Variants in TMEM132C observed in about 807,000 individuals in gnomAD.
The protein encoded by TMEM132C is protein phosphatase 1, regulatory subunit 152.
A neutral mutation model predicts 61.4 loss-of-function variants in TMEM132C; 29 were observed. The observed-to-expected ratio is 0.47, with a 90% CI of 0.35 to 0.64. The LOEUF is 0.64. Ranked by LOEUF, TMEM132C falls within the 30% of genes least tolerant of loss-of-function variation. TMEM132C has a pLI of 0.00. For missense variants in TMEM132C, 1,408 were observed against 1,476.9 expected (o/e 0.95, Z 0.76); for synonymous variants, 656 against 633.1 (o/e 1.04, Z -0.54).
intron 3 of TMEM132C, among the ~76,000 whole-genome samples, chr12:128,603,555 G>A (rs1474469211): frequency 1.3e-5 from 2 of 152,176 alleles, no homozygotes; most frequent in African/African-American, 4.8e-5. Context: ...GATGCTGGGC[G>A]GAGGGCTTGG....
At chr12:128,435,550 C>A (rs1869560747) in intron 2 of TMEM132C, among the ~76,000 whole-genome samples, 1 of 152,106 alleles carries the variant, frequency 6.6e-6, no homozygotes. Context: ...TTCACAATTG[C>A]TACAAAGAGA....
Position 128,326,068 on chromosome 12 carries a change from G to A in TMEM132C, c.85+58581G>A, listed in dbSNP as rs904042691. Among the ~76,000 whole-genome samples the A allele has an allele frequency of 1.3e-4, 20 of 152,208 alleles. No homozygotes were observed. Among genetic ancestry groups the A allele is most frequent in the Non-Finnish European group, 2.9e-5 (2 of 68,014 alleles). On this transcript the variant is annotated intron_variant, in intron 1 of 8. Transcript: ENST00000435159. This position sits in a 1 kb window ranked among gnomAD's most constrained non-coding sequence, Gnocchi z 5.6. The stretch of plus-strand genomic sequence containing the variant: ...GTATTCACACAGTATTGGAATGAAC[G>A]AGTAAATGAATGAATGCATGCATTC...
At chr12:128,628,782 A>G (rs939846565) in intron 4 of TMEM132C, among the ~76,000 whole-genome samples, 4 of 152,186 alleles carry the variant, frequency 2.6e-5, no homozygotes, top group Non-Finnish European at 4.4e-5. Flanking sequence ...ACTGCCAAGC[A>G]CAGCTCCTTC....
At chr12:128,468,772 A>G (rs1260707937) in intron 2 of TMEM132C, among the ~76,000 whole-genome samples, 2 of 152,204 alleles carry the variant, frequency 1.3e-5, no homozygotes, top group East Asian at 3.8e-4. Flanking sequence ...TATTTTTATA[A>G]TAATGTATTT....
At chr12:128,293,342 G>A (rs1404831573) in intron 1 of TMEM132C, among the ~76,000 whole-genome samples, 1 of 152,120 alleles carries the variant, frequency 6.6e-6, no homozygotes, top group Non-Finnish European at 1.5e-5. Flanking sequence ...AAAAGTCACA[G>A]GGTAAATTGG....
In TMEM132C at chr12:128,401,699, C is replaced by G. The variant is rs1022641156; in HGVS notation, c.86-13033C>G. On this transcript the variant is annotated intron_variant, in intron 1 of 8. Transcript: ENST00000435159. ...CAGTTATTTAGTGGATGTTTAAGATCGGCTCTTTGCTTGGATCACTGTAAG... is the reference window on the plus strand; with the variant it reads ...CAGTTATTTAGTGGATGTTTAAGATGGGCTCTTTGCTTGGATCACTGTAAG... Among the ~76,000 whole-genome samples the G allele has an allele frequency of 5.9e-5, 9 of 152,160 alleles. No individual in the cohort carries two copies. The East Asian group carries it at 1.5e-3, about 26-fold the overall frequency.
Position 128,705,729 on chromosome 12 carries a change from A to G in TMEM132C, c.2761A>G (p.Ser921Gly). 1 of 1,551,398 alleles carries G rather than the reference A, an allele frequency of 6.4e-7. No individual in the cohort carries two copies. The highest frequency in any genetic ancestry group is 8.7e-7 in the Non-Finnish European group (1 of 1,146,960). Residue 921 changes from serine to glycine, a missense_variant, in exon 9 of 9, where the codon AGT (serine) becomes GGT (glycine). By Grantham distance (56) the Ser-to-Gly change is moderately conservative (BLOSUM62 0). Coordinates refer to ENST00000435159, the MANE Select transcript of TMEM132C (RefSeq NM_001136103.3). ...CCTGGTGCAGACTCCGCGGGGCCTGAGTGATCTGGAGATAGGGATGTACGC... is the reference window on the plus strand; with the variant it reads ...CCTGGTGCAGACTCCGCGGGGCCTGGGTGATCTGGAGATAGGGATGTACGC... ...NDLVQTPRGLSDLEIGMYALL... is the reference protein window; with the variant it reads ...NDLVQTPRGLGDLEIGMYALL...
At chr12:128,593,799 A>C (rs544324884) in intron 3 of TMEM132C, among the ~76,000 whole-genome samples, 6 of 152,044 alleles carry the variant, frequency 3.9e-5, no homozygotes, top group African/African-American at 1.4e-4. Context: ...ACAGGGGCCA[A>C]TGCAGACTCT....
chr12:128,684,497 AG>A (rs1479536730), intron 5 of TMEM132C, among the ~76,000 whole-genome samples: 2 of 152,216 alleles, frequency 1.3e-5, no homozygotes, highest in Admixed American at 1.3e-4. Context: ...GCGGGCAACC[AG>A]CCATCTCCCC....
intron 2 of TMEM132C, among the ~76,000 whole-genome samples, chr12:128,418,115 C>T (rs1868844654): frequency 6.6e-6 from 1 of 152,158 alleles, no homozygotes; most frequent in South Asian, 2.1e-4. Flanking sequence ...GTTATATTTC[C>T]TTACTTCAGA....
chr12:128,496,305 T>C (rs533823396), intron 2 of TMEM132C, among the ~76,000 whole-genome samples: 12 of 152,294 alleles, frequency 7.9e-5, no homozygotes, highest in African/African-American at 1.7e-4. Context: ...CTGACAATTA[T>C]GTGTCTTGGA....
chr12:128,402,472 G>A (rs997001963), intron 1 of TMEM132C, among the ~76,000 whole-genome samples: 1 of 152,192 alleles, frequency 6.6e-6, no homozygotes, highest in Admixed American at 6.5e-5. Flanking sequence ...CTGACCTCCA[G>A]GACTATATAA....
chr12:128,279,791 C>T (rs187902351), intron 1 of TMEM132C, among the ~76,000 whole-genome samples: 2 of 152,322 alleles, frequency 1.3e-5, no homozygotes, highest in Non-Finnish European at 1.5e-5. Flanking sequence ...CCTATTTTGT[C>T]CTTTCTCTTT....
intron 1 of TMEM132C, among the ~76,000 whole-genome samples, chr12:128,338,504 G>A (rs1872851826): frequency 6.6e-6 from 1 of 152,032 alleles, no homozygotes; most frequent in African/African-American, 2.4e-5. Flanking sequence ...AGCCTCATGG[G>A]GTGGGATCTT....
chr12:128,397,056 A>G (rs1179114672), intron 1 of TMEM132C, among the ~76,000 whole-genome samples: 1 of 152,144 alleles, frequency 6.6e-6, no homozygotes, highest in East Asian at 1.9e-4. Context: ...AGTGCCTTCC[A>G]ATCAGGTGCC....
chr12:128,552,725 A>G (rs993430753), intron 3 of TMEM132C, among the ~76,000 whole-genome samples: 15 of 152,106 alleles, frequency 9.9e-5, no homozygotes, highest in Admixed American at 2.6e-4. Flanking sequence ...TGAGACCAGC[A>G]GGCCAACCCT....
chr12:128,606,737 A>G (rs1159293580), intron 3 of TMEM132C, among the ~76,000 whole-genome samples: 2 of 152,138 alleles, frequency 1.3e-5, no homozygotes, highest in Non-Finnish European at 2.9e-5. Context: ...GGACTCTGCC[A>G]CAGATGGACA....
At chr12:128,474,936 C>G (rs189719268) in intron 2 of TMEM132C, among the ~76,000 whole-genome samples, 2 of 152,122 alleles carry the variant, frequency 1.3e-5, no homozygotes, top group Non-Finnish European at 1.5e-5. Context: ...CAGACATTCC[C>G]GACAGTGCCC....
intron 5 of TMEM132C, among the ~76,000 whole-genome samples, chr12:128,674,980 T>C (rs1954569375): frequency 6.6e-6 from 1 of 152,172 alleles, no homozygotes; most frequent in Non-Finnish European, 1.5e-5. Flanking sequence ...GTGTAAGCAC[T>C]TGAATGTGTG....
Sources: allele counts gnomAD v4.1 joint callset (sites outside exome capture counted in the v4.1 genomes callset), GRCh38; gene constraint gnomAD v4.1.1; non-coding constraint Gnocchi (gnomAD v3.1); transcripts MANE v1.5; gene names NCBI Gene and HGNC (gene_info 2026-07-23, HGNC 2026-07-21).